Variants in CASS4 observed in about 807,000 individuals in gnomAD.
CASS4 encodes Cas scaffold protein family member 4.
A neutral mutation model predicts 54.2 loss-of-function variants in CASS4; 22 were observed. That is an observed-to-expected ratio of 0.41 (90% CI 0.29 to 0.58). The LOEUF is 0.58. CASS4 is among the 20% of genes least tolerant of loss of function. The pLI is 0.36. For synonymous variants in CASS4, 409 were observed against 391.5 expected (o/e 1.04, Z -0.53); for missense variants, 854 against 986.7 (o/e 0.87, Z 1.80).
At chr20:56,448,177 C>G (rs1376028403) in intron 3 of CASS4, among the ~76,000 whole-genome samples, 2 of 151,798 alleles carry the variant, frequency 1.3e-5, no homozygotes, top group Admixed American at 6.6e-5. Flanking sequence ...AATGAAGACA[C>G]ACTTGTATGA....
At chr20:56,427,173 T>TAA (rs78321980) in intron 1 of CASS4, among the ~76,000 whole-genome samples, 1,602 of 127,916 alleles carry the variant, frequency 0.013, 25 homozygotes, top group African/African-American at 0.038. Context: ...CCCTGTCTCT[T>TAA]AAAAAAAAAA....
At chr20:56,421,032 A>G (rs1292765509) in intron 1 of CASS4, among the ~76,000 whole-genome samples, 1 of 152,242 alleles carries the variant, frequency 6.6e-6, no homozygotes, top group Non-Finnish European at 1.5e-5. Flanking sequence ...AAGCACCTCT[A>G]AAAATGACCA....
rs754417275 is a variant in CASS4, at chr20:56,451,928, G to A, written c.752G>A (p.Gly251Glu). 1.9e-6 allele frequency: 3 copies of A among 1,614,176 alleles called. No individual in the cohort carries two copies. The South Asian group carries it at 3.3e-5, about 18-fold the overall frequency. The change falls in exon 5 of 6, where the codon GGA becomes GAA. Residue 251 changes from glycine (G) to glutamate (E), a missense_variant. Coordinates refer to ENST00000679887, the MANE Select transcript of CASS4 (RefSeq NM_020356.4). Reference sequence around the variant, plus strand: ...ATTTATGACACTCCAGTGTCTCCAGGAAAGGCCAGCGTCAGAAACACGCCT... The same window carrying A: ...ATTTATGACACTCCAGTGTCTCCAGAAAAGGCCAGCGTCAGAAACACGCCT... ...EWIYDTPVSP[G>E]KASVRNTPLT...
intron 1 of CASS4, among the ~76,000 whole-genome samples, chr20:56,432,274 A>G (rs1339117546): frequency 2.1e-5 from 3 of 143,226 alleles, no homozygotes; most frequent in Non-Finnish European, 4.5e-5. Context: ...CTTTCAGATT[A>G]TTGTTTTTTA....
Position 56,452,430 on chromosome 20 carries a change from C to T in CASS4, c.1254C>T (p.Thr418=), listed in dbSNP as rs371583650. ...TTTCCTCGTGCTCCACCACATCCAC[C>T]GACGACTCCTCCAGCTCTTCCTCGG... is the stretch of plus-strand genomic sequence containing the variant. ...SIVSSCSTTS[T]DDSSSSSSEE... is the part of the protein sequence containing the mutation. Residue 418 remains threonine, a synonymous_variant, in exon 5 of 6, where the codon ACC becomes ACT. Coordinates refer to ENST00000679887, the MANE Select transcript of CASS4 (RefSeq NM_020356.4). 1.3e-4 allele frequency: 204 copies of T among 1,613,998 alleles called. 3 individuals are homozygous for T. In the South Asian group the frequency reaches 2.0e-3, roughly 16 times the overall value.
chr20:56,448,095 T>C (rs1174315572), intron 3 of CASS4, among the ~76,000 whole-genome samples: 1 of 147,504 alleles, frequency 6.8e-6, no homozygotes, highest in Non-Finnish European at 1.5e-5. Flanking sequence ...TGAGCAGAGA[T>C]CGCGCCACTG....
intron 1 of CASS4, among the ~76,000 whole-genome samples, chr20:56,428,228 G>T (rs1193023292): frequency 6.6e-6 from 1 of 152,202 alleles, no homozygotes; most frequent in Non-Finnish European, 1.5e-5. Context: ...GGCTGTGAAA[G>T]ATAAAACAAG....
intron 5 of CASS4, chr20:56,453,360 G>A (rs1378847393): frequency 1.4e-5 from 5 of 368,680 alleles, no homozygotes; most frequent in Admixed American, 4.3e-5. Context: ...GATTTCTTCC[G>A]AAAACTTTTG....
chr20:56,428,862 T>C (rs962729038), intron 1 of CASS4, among the ~76,000 whole-genome samples: 8 of 152,166 alleles, frequency 5.3e-5, no homozygotes, highest in African/African-American at 1.9e-4. Context: ...TAATCTCTCC[T>C]AGTCTTAGGT....
chr20:56,433,950 C>G (rs1049496913), intron 1 of CASS4, among the ~76,000 whole-genome samples: 4 of 152,188 alleles, frequency 2.6e-5, no homozygotes, highest in Non-Finnish European at 2.9e-5. Flanking sequence ...GTTATTCCCT[C>G]AGCGGCATGA....
At chr20:56,429,243 C>A (rs1172781291) in intron 1 of CASS4, among the ~76,000 whole-genome samples, 1 of 152,100 alleles carries the variant, frequency 6.6e-6, no homozygotes, top group African/African-American at 2.4e-5. Context: ...CGGGCCAGTT[C>A]CCTCTCTTCT....
chr20:56,430,321 C>A lies in CASS4; in HGVS notation c.37-6843C>A, dbSNP rs1979844633. Among the ~76,000 whole-genome samples, 1 of 152,166 alleles carries A rather than the reference C, an allele frequency of 6.6e-6. No individual in the cohort carries two copies. The highest frequency in any genetic ancestry group is 6.5e-5 in the Admixed American group (1 of 15,270). On this transcript the variant is annotated intron_variant, in intron 1 of 5. Coordinates refer to ENST00000679887, the MANE Select transcript of CASS4 (RefSeq NM_020356.4). This position sits in a 1 kb window ranked among gnomAD's most constrained non-coding sequence, Gnocchi z 4.2. Reference sequence around the variant, plus strand: ...CCAAATGCATATTCATTTTCCTTTTCCCTCTCCCAGCTGTTGTATGAAGAT... The same window carrying A: ...CCAAATGCATATTCATTTTCCTTTTACCTCTCCCAGCTGTTGTATGAAGAT...
At chr20:56,426,857 G>T (rs1447051358) in intron 1 of CASS4, among the ~76,000 whole-genome samples, 1 of 152,178 alleles carries the variant, frequency 6.6e-6, no homozygotes, top group Non-Finnish European at 1.5e-5. Context: ...GGGATTACAG[G>T]CATGAGCCAC....
chr20:56,416,205 A>G (rs1298901642), intron 1 of CASS4, among the ~76,000 whole-genome samples: 4 of 152,140 alleles, frequency 2.6e-5, no homozygotes, highest in Admixed American at 6.6e-5. Flanking sequence ...ATGTGCCACC[A>G]TGCTCAGCTA....
At chr20:56,415,972 T>C (rs565454391) in intron 1 of CASS4, among the ~76,000 whole-genome samples, 2 of 152,344 alleles carry the variant, frequency 1.3e-5, no homozygotes, top group South Asian at 4.1e-4. Flanking sequence ...TCAAAGGTGG[T>C]AAATTTAACA....
intron 2 of CASS4, among the ~76,000 whole-genome samples, chr20:56,445,549 C>T (rs1980664568): frequency 1.3e-5 from 2 of 152,250 alleles, no homozygotes; most frequent in African/African-American, 4.8e-5. Flanking sequence ...ATCGGAATCA[C>T]CTGGCAAGCT....
At chr20:56,417,688 G>T (rs1979208645) in intron 1 of CASS4, among the ~76,000 whole-genome samples, 1 of 152,222 alleles carries the variant, frequency 6.6e-6, no homozygotes, top group Non-Finnish European at 1.5e-5. Flanking sequence ...TACAGGGAGT[G>T]CAGGTGGAGC....
At chr20:56,413,950 A>C (rs1374726896) in intron 1 of CASS4, among the ~76,000 whole-genome samples, 6 of 152,152 alleles carry the variant, frequency 3.9e-5, no homozygotes, top group Non-Finnish European at 7.3e-5. Flanking sequence ...ACTGGAACAC[A>C]CTTCATTTTT....
intron 1 of CASS4, among the ~76,000 whole-genome samples, chr20:56,425,729 A>G (rs1251319620): frequency 1.3e-5 from 2 of 152,208 alleles, no homozygotes; most frequent in Non-Finnish European, 2.9e-5. Context: ...TTTTATATTG[A>G]AAAAGAATAT....
Sources: allele counts gnomAD v4.1 joint callset (sites outside exome capture counted in the v4.1 genomes callset), GRCh38; gene constraint gnomAD v4.1.1; non-coding constraint Gnocchi (gnomAD v3.1); transcripts MANE v1.5; gene names NCBI Gene and HGNC (gene_info 2026-07-23, HGNC 2026-07-21).